NDUFA5: variants seen among roughly 807,000 people sequenced by gnomAD.
The protein encoded by NDUFA5 is NADH dehydrogenase [ubiquinone] 1 alpha subcomplex subunit 5.
A neutral mutation model predicts 19.8 loss-of-function variants in NDUFA5; 11 were observed. The observed-to-expected ratio is 0.56, with a 90% CI of 0.35 to 0.92. NDUFA5 has a LOEUF of 0.92. Among genes scored for constraint, NDUFA5 ranks in the 40% least tolerant of loss-of-function variants. NDUFA5 has a pLI of 0.01. For missense variants in NDUFA5, 109 were observed against 134.2 expected, an observed-to-expected ratio of 0.81 and a Z score of 0.93; for synonymous variants, 47 against 46.8, an observed-to-expected ratio of 1.00 and a Z score of -0.01.
At chr7:123,579,669 G>A in the NDUFA5 span, among the ~76,000 whole-genome samples, 2 of 152,038 alleles carry the variant, frequency 1.3e-5, no homozygotes, top group African/African-American at 4.8e-5. Flanking sequence ...AACTCCTTCT[G>A]CTCCTGGGAG....
At chr7:123,544,159 T>C (rs532515029) in intron 4 of NDUFA5, among the ~76,000 whole-genome samples, 13 of 152,146 alleles carry the variant, frequency 8.5e-5, no homozygotes, top group Admixed American at 3.3e-4. Context: ...TCTAAACCTA[T>C]AATATGAGGG....
the NDUFA5 span, among the ~76,000 whole-genome samples, chr7:123,589,607 G>C: frequency 4.6e-5 from 7 of 151,986 alleles, no homozygotes; most frequent in African/African-American, 1.7e-4. Flanking sequence ...TGCTGAGAAT[G>C]GTGGTTTCCA....
chr7:123,570,913 T>G, the NDUFA5 span, among the ~76,000 whole-genome samples: 1 of 152,186 alleles, frequency 6.6e-6, no homozygotes, highest in Non-Finnish European at 1.5e-5. Flanking sequence ...GCTCTAAAAC[T>G]TACCAGCTGT....
Position 123,540,890 on chromosome 7 carries a change from G to GCGCGCGCGCGCGCGCACACA in NDUFA5, c.*1228_*1229insTGTGTGCGCGCGCGCGCGCG, listed in dbSNP as rs766305834. On this transcript the variant is annotated 3_prime_UTR_variant, in exon 5 of 5. Transcript: ENST00000355749. ...TCTGAGCAAATGTGCGCATGCGCGT[G>GCGCGCGCGCGCGCGCACACA]CACACACACACACACACACACACAC... 3 of 133,828 alleles carry GCGCGCGCGCGCGCGCACACA rather than the reference G, an allele frequency of 2.2e-5. No individual in the cohort carries two copies. The highest frequency in any genetic ancestry group is 1.5e-4 in the Admixed American group (2 of 13,444). 8.3% of individuals were successfully genotyped at this position (133,828 alleles called of 1,614,324 possible).
chr7:123,595,088 C>A, the NDUFA5 span, among the ~76,000 whole-genome samples: 1 of 152,202 alleles, frequency 6.6e-6, no homozygotes, highest in Non-Finnish European at 1.5e-5. Context: ...AAGCAAGGCT[C>A]CGTGGACGTG....
chr7:123,537,697 T>C lies in NDUFA5; in HGVS notation c.*4422A>G, dbSNP rs1797793108. 6.6e-6 allele frequency: 1 copy of C among 152,086 alleles called. No individual in the cohort carries two copies. Among genetic ancestry groups the C allele is most frequent in the Non-Finnish European group, 1.5e-5 (1 of 68,006 alleles). The allele number at this position is 152,086 out of a possible 1,614,324, so 9.4% of individuals were successfully genotyped here. A position where few individuals can be genotyped will look rare whatever the true frequency, so the allele number is the denominator to read the frequency against. ...CAGGTGGGGTTTGTTGCCAAATGAG[T>C]TATGAAAAAACTTTGTTTTCAGAGA... On this transcript the variant is annotated 3_prime_UTR_variant, in exon 5 of 5. Transcript: ENST00000355749.
Position 123,542,137 on chromosome 7 carries a change from C to A in NDUFA5, c.333G>T (p.Gln111His), listed in dbSNP as rs753539036. ...TTAATAATTATATTGGCCATTTCCA[C>A]TGATCGGCAGGAGGCTCTTCCACTA... Reference protein sequence around the residue: ...EPLVEEPPADQWKWPI With the variant: ...EPLVEEPPADHWKWPI Residue 111 changes from glutamine to histidine, a missense_variant, in exon 5 of 5, where the codon CAG becomes CAT. By Grantham distance (24) the Gln-to-His change is conservative. Transcript: ENST00000355749. 8 of 1,610,504 alleles carry A rather than the reference C, an allele frequency of 5.0e-6. No individual in the cohort carries two copies. The highest frequency in any genetic ancestry group is 6.8e-6 in the Non-Finnish European group (8 of 1,178,762).
chr7:123,563,671 T>A, the NDUFA5 span, among the ~76,000 whole-genome samples: 1 of 152,200 alleles, frequency 6.6e-6, no homozygotes, highest in Admixed American at 6.5e-5. Flanking sequence ...AACTTTAAAT[T>A]TGCAAAATAT....
the NDUFA5 span, chr7:123,599,077 T>C: frequency 6.6e-6 from 1 of 152,188 alleles, no homozygotes; most frequent in Non-Finnish European, 1.5e-5. Context: ...AAAATGTGCA[T>C]TTCTTAAATC....
At chr7:123,570,973 A>T in the NDUFA5 span, among the ~76,000 whole-genome samples, 1 of 152,198 alleles carries the variant, frequency 6.6e-6, no homozygotes, top group Admixed American at 6.5e-5. Context: ...CAATATTTCC[A>T]TCTGTAAAAC....
rs577101131 is a variant in NDUFA5 at position 123,545,461 on chromosome 7, C to A, written c.249+150G>T. The A allele has an allele frequency of 2.2e-5, 14 of 634,922 alleles. No homozygotes were observed. In the East Asian group the frequency reaches 3.8e-4, roughly 17 times the overall value. The allele number at this position is 634,922 out of a possible 1,614,324, so 39.3% of individuals were successfully genotyped here. A position where few individuals can be genotyped will look rare whatever the true frequency, so the allele number is the denominator to read the frequency against. On this transcript the variant is annotated intron_variant, in intron 4 of 4. Transcript: ENST00000355749. Reference sequence around the variant, plus strand: ...CAATAAATACTATAATCAACATACACATGAGAAGCACCACATTTTCTATAT... The same window carrying A: ...CAATAAATACTATAATCAACATACAAATGAGAAGCACCACATTTTCTATAT...
At chr7:123,601,338 T>C in the NDUFA5 span, among the ~76,000 whole-genome samples, 1 of 152,192 alleles carries the variant, frequency 6.6e-6, no homozygotes, top group Non-Finnish European at 1.5e-5. Flanking sequence ...TAGATGTCAC[T>C]GACTGCCCTA....
the NDUFA5 span, among the ~76,000 whole-genome samples, chr7:123,579,677 G>C: frequency 1.3e-5 from 2 of 152,000 alleles, no homozygotes; most frequent in African/African-American, 4.8e-5. Context: ...CTGCTCCTGG[G>C]AGTTGAGTTA....
At chr7:123,578,125 A>C in the NDUFA5 span, among the ~76,000 whole-genome samples, 1 of 150,364 alleles carries the variant, frequency 6.7e-6, no homozygotes, top group Non-Finnish European at 1.5e-5. Flanking sequence ...TTAAATGTTG[A>C]ATGAATAAAA....
chr7:123,595,344 T>C, the NDUFA5 span, among the ~76,000 whole-genome samples: 1 of 152,180 alleles, frequency 6.6e-6, no homozygotes, highest in African/African-American at 2.4e-5. Context: ...GGCACATCCT[T>C]TTTGCCTCAT....
chr7:123,557,633 C>G, intron 1 of NDUFA5, 142 bp downstream of exon 1: 2 of 1,613,696 alleles, frequency 1.2e-6, no homozygotes, highest in Non-Finnish European at 1.7e-6. Context: ...ACCTGCCCTA[C>G]CCGGTAAGGC....
chr7:123,585,635 TTGTGTG>T, the NDUFA5 span, among the ~76,000 whole-genome samples: 19 of 147,418 alleles, frequency 1.3e-4, no homozygotes, highest in African/African-American at 2.2e-4. Context: ...TAGTTACTAT[TTGTGTG>T]TGTGTGTGTG....
At chr7:123,556,458 A>G in intron 2 of NDUFA5, 1 of 167,758 alleles carries the variant, frequency 6.0e-6, no homozygotes, top group Non-Finnish European at 1.3e-5. Context: ...CCAAGAACTA[A>G]ATCCTGACTA....
intron 3 of NDUFA5, among the ~76,000 whole-genome samples, chr7:123,546,015 C>T (rs887900350): frequency 6.6e-6 from 1 of 151,966 alleles, no homozygotes; most frequent in Non-Finnish European, 1.5e-5. Context: ...GAAATAAATG[C>T]TACTCTATGA....
Sources: gnomAD v4.1 joint callset for allele counts (sites outside exome capture counted in the v4.1 genomes callset) on GRCh38, gnomAD v4.1.1 for gene constraint, MANE v1.5 for transcripts, NCBI Gene and HGNC (gene_info 2026-07-23, HGNC 2026-07-21) for gene names.